COL4A3: variants seen among roughly 807,000 people sequenced by gnomAD.
COL4A3 encodes collagen type IV alpha 3 chain.
COL4A3 carries 135 observed loss-of-function variants against 217.4 expected under a neutral mutation model. The observed-to-expected ratio is 0.62, with a 90% confidence interval of 0.54 to 0.72. The LOEUF (loss-of-function observed/expected upper bound fraction) is 0.72. Among genes scored for constraint, COL4A3 ranks in the 30% least tolerant of loss-of-function variants. The pLI, the probability that COL4A3 is intolerant of heterozygous loss-of-function variation, is 0.00. For synonymous variants in COL4A3, 690 were observed against 736.3 expected (o/e 0.94, Z 1.02); for missense variants, 1,868 against 2,119.9 (o/e 0.88, Z 2.33).
chr2:227,259,058 T>C (rs2070380177), intron 18 of COL4A3: 1 of 151,918 alleles, frequency 6.6e-6, no homozygotes, highest in African/African-American at 2.4e-5. Context: ...TCAAGATAAA[T>C]ATACTGAATG....
At chr2:227,254,574 C>A in intron 14 of COL4A3, 82 bp from the exon 15 acceptor site, 1 of 1,121,544 alleles carries the variant, frequency 8.9e-7, no homozygotes, top group South Asian at 1.2e-5. Context: ...GCAGAATAAC[C>A]AAAAGGGACA....
chr2:227,202,447 A>T (rs114956647), intron 1 of COL4A3, among the ~76,000 whole-genome samples: 21,683 of 151,788 alleles, frequency 0.14, 1,671 homozygotes, highest in Non-Finnish European at 0.16. Context: ...GTATTTTTTT[A>T]AAATATATTA....
intron 4 of COL4A3, chr2:227,244,738 AATCTTAATGAT>A: frequency 2.7e-6 from 2 of 734,576 alleles, no homozygotes; most frequent in Non-Finnish European, 4.8e-6. Flanking sequence ...AGCCAAAAAT[AATCTTAATGAT>A]ATCTTTTTAA....
At chr2:227,285,759 C>T (rs1360234940) in intron 34 of COL4A3, among the ~76,000 whole-genome samples, 1 of 152,128 alleles carries the variant, frequency 6.6e-6, no homozygotes, top group Non-Finnish European at 1.5e-5. Context: ...TGATATGGGG[C>T]TATTTCTATA....
chr2:227,211,025 G>A (rs567603981), intron 1 of COL4A3, among the ~76,000 whole-genome samples: 12 of 152,236 alleles, frequency 7.9e-5, no homozygotes, highest in Non-Finnish European at 1.8e-4. Context: ...GTTTGAGACA[G>A]AGTCTCACTC....
At chr2:227,271,061 C>A in intron 25 of COL4A3, 109 bp downstream of exon 25, 1 of 939,728 alleles carries the variant, frequency 1.1e-6, no homozygotes, top group Non-Finnish European at 1.7e-6. Context: ...GTTCATCACT[C>A]TAACTGCAGA....
intron 1 of COL4A3, among the ~76,000 whole-genome samples, chr2:227,227,152 G>C (rs72977844): frequency 0.23 from 35,327 of 152,214 alleles, 4,614 homozygotes; most frequent in Non-Finnish European, 0.3. Context: ...TGTCTGCCAA[G>C]TCCTGCATTA....
At chr2:227,290,650 C>A in intron 36 of COL4A3, 97 bp from the exon 37 acceptor site, 1 of 1,174,740 alleles carries the variant, frequency 8.5e-7, no homozygotes, top group Non-Finnish European at 1.2e-6. Flanking sequence ...TCTGAAAAAG[C>A]CATTCTTGGG....
intron 1 of COL4A3, chr2:227,169,107 T>C (rs1193590864): frequency 6.7e-6 from 1 of 150,176 alleles, no homozygotes; most frequent in Non-Finnish European, 1.5e-5. Flanking sequence ...GTTCTCATTG[T>C]TCAGTTCCCA....
Position 227,164,751 on chromosome 2 carries a change from C to T in COL4A3, c.25C>T (p.Pro9Ser), listed in dbSNP as rs890999119. MSARTAPRPQVLLLPLLLV... is the reference protein window; with the variant it reads MSARTAPRSQVLLLPLLLV... The stretch of plus-strand genomic sequence containing the variant: ...CATGAGCGCCCGGACCGCCCCCAGG[C>T]CGCAGGTGCTCCTGCTGCCGCTCCT... The change falls in exon 1 of 52, where the codon CCG (proline) becomes TCG (serine). Residue 9 changes from proline (P) to serine (S), a missense_variant. This residue lies in a region of COL4A3 where 365 missense variants were observed against 333.8 expected (regional missense o/e 1.09). Transcript: ENST00000396578. The surrounding 1 kb of genome is among the most constrained non-coding windows in gnomAD (Gnocchi z 4.8). 23 of 1,526,738 alleles carry T rather than the reference C, an allele frequency of 1.5e-5. No homozygotes were observed. In the African/African-American group the frequency reaches 2.7e-4, roughly 18 times the overall value. The allele number at this position is 1,526,738 out of a possible 1,614,324, so 94.6% of individuals were successfully genotyped here.
rs762518741 is a variant in COL4A3 at position 227,245,953 on chromosome 2, G to A, written c.325-1G>A. ...CTCATTGAGACTTGTTCTTCTTCCA[G>A]GGCACCCCAGGCAATACCGGGCCTT... On this transcript the variant is annotated splice_acceptor_variant, in intron 5 of 51. Transcript: ENST00000396578. LOFTEE classifies it high-confidence loss of function. The A allele has an allele frequency of 1.2e-6, 2 of 1,613,666 alleles. No homozygotes were observed. The highest frequency in any genetic ancestry group is 1.1e-5 in the South Asian group (1 of 91,074).
At position 227,296,521 on chromosome 2, in the gene COL4A3, T is replaced by G; in HGVS notation, c.3566-1153T>G. On this transcript the variant is annotated intron_variant, in intron 41 of 51. Coordinates refer to ENST00000396578, the MANE Select transcript of COL4A3 (RefSeq NM_000091.5). ...ATATGGAGAAGAGTTCATTGAGACT[T>G]GGAAGGTATGAATCCTTTTAATTAG... 3.1e-6 allele frequency: 3 copies of G among 980,520 alleles called. No individual in the cohort carries two copies. The African/African-American group carries it at 5.2e-5, about 17-fold the overall frequency. 60.7% of individuals were successfully genotyped at this position (980,520 alleles called of 1,614,324 possible).
At chr2:227,169,160 G>A (rs1387551215) in intron 1 of COL4A3, 5 of 150,706 alleles carry the variant, frequency 3.3e-5, no homozygotes, top group South Asian at 4.2e-4. Flanking sequence ...TTGTTCTTGC[G>A]ATAGTTTACT....
chr2:227,296,300 G>A (rs2073026128), intron 41 of COL4A3: 1 of 155,380 alleles, frequency 6.4e-6, no homozygotes, highest in Non-Finnish European at 1.4e-5. Context: ...TAGAATTTTG[G>A]TCAAAAGGAG....
At chr2:227,254,875 C>T (rs538438096) in intron 15 of COL4A3, among the ~76,000 whole-genome samples, 160 bp downstream of exon 15, 6 of 152,284 alleles carry the variant, frequency 3.9e-5, no homozygotes, top group South Asian at 2.1e-4. Context: ...GTATCTAAGA[C>T]GTTCAAGGCT....
intron 17 of COL4A3, among the ~76,000 whole-genome samples, chr2:227,256,755 A>G (rs1443061339): frequency 2.6e-5 from 4 of 152,262 alleles, no homozygotes. Flanking sequence ...GAGTCATGAT[A>G]CATTGAAAGG....
chr2:227,281,057 C>T, intron 31 of COL4A3, 51 bp downstream of exon 31: 13 of 1,126,026 alleles, frequency 1.2e-5, no homozygotes, highest in Non-Finnish European at 1.7e-5. Context: ...AGACATGAGA[C>T]TCCTGCTCTG....
intron 1 of COL4A3, among the ~76,000 whole-genome samples, chr2:227,169,854 C>T (rs2065413686): frequency 6.6e-6 from 1 of 152,088 alleles, no homozygotes; most frequent in African/African-American, 2.4e-5. Flanking sequence ...ACTCTCTATT[C>T]CATTGGTCCA....
At chr2:227,243,013 TCTATTGGTAGAACGA>T (rs1559859243) in intron 3 of COL4A3, among the ~76,000 whole-genome samples, 1 of 152,230 alleles carries the variant, frequency 6.6e-6, no homozygotes, top group Non-Finnish European at 1.5e-5. Flanking sequence ...TTCTTCCATT[TCTATTGGTAGAACGA>T]GTTTGCCACT....
Sources: gnomAD v4.1 joint callset for allele counts (sites outside exome capture counted in the v4.1 genomes callset) on GRCh38, gnomAD v4.1.1 for gene constraint, gnomAD v4.1.1 regional missense constraint, Gnocchi (gnomAD v3.1) non-coding constraint, MANE v1.5 for transcripts, NCBI Gene and HGNC (gene_info 2026-07-23, HGNC 2026-07-21) for gene names.